SAMD4A: variants seen among roughly 807,000 people sequenced by gnomAD.
SAMD4A encodes protein Smaug homolog 1.
SAMD4A carries 33 observed loss-of-function variants against 81.3 expected under a neutral mutation model. The observed-to-expected ratio is 0.41, with a 90% CI of 0.31 to 0.54. The LOEUF (loss-of-function observed/expected upper bound fraction) is 0.54. Among genes scored for constraint, SAMD4A ranks in the 20% least tolerant of loss-of-function variants. The probability of loss-of-function intolerance (pLI) is 0.37; values close to 1 mark genes in which losing one functional copy is unlikely to be tolerated. For missense variants in SAMD4A, 854 were observed against 951.1 expected (o/e 0.90, Z 1.34); for synonymous variants, 389 against 382.1 (o/e 1.02, Z -0.21).
At chr14:54,582,317 C>T (rs1477643487) in intron 2 of SAMD4A, among the ~76,000 whole-genome samples, 1 of 151,764 alleles carries the variant, frequency 6.6e-6, no homozygotes, top group East Asian at 1.9e-4. Context: ...GAAAGATGCC[C>T]AGAGTTAAAA....
chr14:54,696,161 G>A (rs1253548798), intron 2 of SAMD4A, among the ~76,000 whole-genome samples: 1 of 152,084 alleles, frequency 6.6e-6, no homozygotes, highest in Non-Finnish European at 1.5e-5. Flanking sequence ...GCTCAAGAGG[G>A]TACCTTGGGA....
intron 3 of SAMD4A, 53 bp from the exon 4 acceptor site, chr14:54,736,971 G>A (rs780734363): frequency 1.0e-5 from 16 of 1,596,876 alleles, no homozygotes; most frequent in African/African-American, 1.3e-5. Flanking sequence ...GTTCTTCGGT[G>A]TCCCAGGATA....
chr14:54,733,541 A>G (rs957605259), intron 3 of SAMD4A, among the ~76,000 whole-genome samples: 3 of 152,188 alleles, frequency 2.0e-5, no homozygotes, highest in Non-Finnish European at 2.9e-5. Context: ...CCACACTATT[A>G]TGAAAGTCAC....
chr14:54,607,198 C>T (rs2034231034), intron 2 of SAMD4A, among the ~76,000 whole-genome samples: 1 of 152,182 alleles, frequency 6.6e-6, no homozygotes, highest in Admixed American at 6.5e-5. Context: ...GAGGGCGTTC[C>T]TGATGCGTTG....
chr14:54,776,688 T>C, intron 11 of SAMD4A, 148 bp downstream of exon 11: 1 of 1,025,788 alleles, frequency 9.7e-7, no homozygotes, highest in Non-Finnish European at 1.3e-6. Flanking sequence ...AACTGTGCCT[T>C]GCCAGCATGA....
At chr14:54,785,573 A>C (rs1479143137) in intron 12 of SAMD4A, among the ~76,000 whole-genome samples, 1 of 152,160 alleles carries the variant, frequency 6.6e-6, no homozygotes, top group Non-Finnish European at 1.5e-5. Flanking sequence ...AGCCCTATCC[A>C]GTCTAGACAC....
rs145872933 is a variant in SAMD4A at position 54,775,062 on chromosome 14, G to C, written c.1844G>C (p.Gly615Ala). 6.2e-7 allele frequency: 1 copy of C among 1,614,142 alleles called. No individual in the cohort carries two copies. The highest frequency in any genetic ancestry group is 8.5e-7 in the Non-Finnish European group (1 of 1,180,032). ...NVPSARLGLLGTSGFVSSNQR... is the reference protein window; with the variant it reads ...NVPSARLGLLATSGFVSSNQR... ...CCTTCCGCCCGCCTGGGCCTCTTGG[G>C]CACCAGTGGATTCGTCAGCTCCAAC... The change falls in exon 10 of 13, where the codon GGC (glycine) becomes GCC (alanine). Residue 615 changes from glycine (G) to alanine (A), a missense_variant. Gly to Ala is a moderately conservative substitution (Grantham distance 60, BLOSUM62 0). Transcript: ENST00000554335.
chr14:54,742,357 G>C (rs1004927511), intron 4 of SAMD4A, among the ~76,000 whole-genome samples: 2 of 152,114 alleles, frequency 1.3e-5, no homozygotes, highest in Admixed American at 6.5e-5. Context: ...GGGCAGCATG[G>C]GGCCTGGTGA....
In SAMD4A at chr14:54,727,166, C is replaced by CTTTTTTTTTTTTTTTTTTTTTTTT. The variant is rs567831973; in HGVS notation, c.716-9840_716-9817dup. Among the ~76,000 whole-genome samples the CTTTTTTTTTTTTTTTTTTTTTTTT allele has an allele frequency of 2.0e-4, 12 of 59,184 alleles. 4 individuals are homozygous for CTTTTTTTTTTTTTTTTTTTTTTTT. Among genetic ancestry groups the CTTTTTTTTTTTTTTTTTTTTTTTT allele is most frequent in the Admixed American group, 4.9e-4 (2 of 4,066 alleles). The allele number at this position is 59,184 out of a possible 152,430, so 38.8% of individuals were successfully genotyped here. On this transcript the variant is annotated intron_variant, in intron 3 of 12. Transcript: ENST00000554335. The stretch of plus-strand genomic sequence containing the variant: ...TTATCACAACAGCCTTCTTTTTTTC[C>CTTTTTTTTTTTTTTTTTTTTTTTT]TTTTTTTTTTTTTTTTTTTTTTTTT...
chr14:54,670,981 T>C (rs1481050239), intron 2 of SAMD4A, among the ~76,000 whole-genome samples: 4 of 152,192 alleles, frequency 2.6e-5, no homozygotes, highest in Admixed American at 2.6e-4. Flanking sequence ...CTTCCACCGA[T>C]AAATATTGAC....
intron 7 of SAMD4A, among the ~76,000 whole-genome samples, 188 bp downstream of exon 7, chr14:54,760,682 T>C (rs1029886693): frequency 2.0e-5 from 3 of 152,218 alleles, no homozygotes; most frequent in Non-Finnish European, 2.9e-5. Flanking sequence ...GCAATCACTG[T>C]GACCCCAGGA....
chr14:54,713,572 T>C (rs1419301641), intron 3 of SAMD4A, among the ~76,000 whole-genome samples: 1 of 152,198 alleles, frequency 6.6e-6, no homozygotes, highest in Non-Finnish European at 1.5e-5. Flanking sequence ...ACAAATTCCA[T>C]GGCTAGAGCT....
chr14:54,761,872 A>C (rs2139867899), intron 7 of SAMD4A, among the ~76,000 whole-genome samples: 1 of 152,210 alleles, frequency 6.6e-6, no homozygotes, highest in South Asian at 2.1e-4. Flanking sequence ...TCCTTGTCTT[A>C]GCCCAGTTCA....
chr14:54,674,553 G>T (rs1023088470), intron 2 of SAMD4A, among the ~76,000 whole-genome samples: 10 of 151,160 alleles, frequency 6.6e-5, no homozygotes, highest in African/African-American at 2.2e-4. Context: ...GTTTCTACTG[G>T]TGTGGTTTCT....
Position 54,586,151 on chromosome 14 carries a change from T to C in SAMD4A, c.196+18039T>C, listed in dbSNP as rs146451509. Among the ~76,000 whole-genome samples, 734 of 152,320 alleles carry C rather than the reference T, an allele frequency of 4.8e-3. 8 individuals carry two copies. The highest frequency in any genetic ancestry group is 0.017 in the African/African-American group (705 of 41,582). On this transcript the variant is annotated intron_variant, in intron 2 of 12. Transcript: ENST00000554335. ...CTTGCAGGAGTGAGATGGTATCGCA[T>C]TGTGGTTTTGCTTTGCACTTCCCTG...
upstream of SAMD4A, among the ~76,000 whole-genome samples, chr14:54,566,543 G>A (rs897215816): frequency 1.1e-4 from 16 of 151,796 alleles, no homozygotes; most frequent in Admixed American, 9.8e-4. Context: ...CTTTGCTGTC[G>A]TTGGGGGGCG....
chr14:54,664,174 T>C (rs371128998), intron 2 of SAMD4A, among the ~76,000 whole-genome samples: 147 of 152,292 alleles, frequency 9.7e-4, no homozygotes, highest in African/African-American at 3.4e-3. Flanking sequence ...CAGTTGCCTT[T>C]GGGTTTTTTT....
rs1461422380 is a variant in SAMD4A, at chr14:54,789,217, G to A, written c.*273G>A. 1 of 527,556 alleles carries A rather than the reference G, an allele frequency of 1.9e-6. No individual in the cohort carries two copies. Among genetic ancestry groups the A allele is most frequent in the East Asian group, 3.3e-5 (1 of 30,046 alleles). 32.7% of individuals were successfully genotyped at this position (527,556 alleles called of 1,614,324 possible). ...TCTAGGGAATTATGAGACTGGGAGG[G>A]GGGTGGAGGGAATGCAGGTAGCTCT... On this transcript the variant is annotated 3_prime_UTR_variant, in exon 13 of 13. Transcript: ENST00000554335.
chr14:54,719,288 G>A (rs1185485458), intron 3 of SAMD4A, among the ~76,000 whole-genome samples: 2 of 152,084 alleles, frequency 1.3e-5, no homozygotes, highest in Non-Finnish European at 2.9e-5. Flanking sequence ...GGTCCATGAC[G>A]GTCATGAGGG....
Sources: gnomAD v4.1 joint callset for allele counts (sites outside exome capture counted in the v4.1 genomes callset) on GRCh38, gnomAD v4.1.1 for gene constraint, MANE v1.5 for transcripts, NCBI Gene and HGNC (gene_info 2026-07-23, HGNC 2026-07-21) for gene names.